PCDH15: variants seen among roughly 807,000 people sequenced by gnomAD.
PCDH15 encodes the protein protocadherin-15.
Under a neutral mutation model 178.5 loss-of-function variants are expected in PCDH15, and 129 were observed. That is an observed-to-expected ratio of 0.72 (90% CI 0.63 to 0.84). PCDH15 has a LOEUF of 0.84. PCDH15 is among the 40% of genes least tolerant of loss of function. PCDH15 has a pLI of 0.00. For missense variants in PCDH15, 2,230 were observed against 2,099.9 expected (o/e 1.06, Z -1.21); for synonymous variants, 800 against 732.0 (o/e 1.09, Z -1.50).
At chr10:54,185,052 C>A in intron 12 of PCDH15, 82 bp downstream of exon 12, 1 of 1,526,116 alleles carries the variant, frequency 6.6e-7, no homozygotes, top group Non-Finnish European at 9.0e-7. Context: ...TCAGTTTTAA[C>A]CAGACATCTC....
chr10:55,612,562 A>G (rs939550969), intron 2 of PCDH15, among the ~76,000 whole-genome samples: 6 of 152,150 alleles, frequency 3.9e-5, no homozygotes, highest in Admixed American at 3.9e-4. Flanking sequence ...TTATACTGAA[A>G]TTTTATGGCA....
intron 10 of PCDH15, among the ~76,000 whole-genome samples, chr10:54,200,213 T>G (rs929425094): frequency 1.3e-5 from 2 of 148,496 alleles, no homozygotes; most frequent in African/African-American, 5.0e-5. Flanking sequence ...AATTCTAGGA[T>G]AGAAGAAAGA....
chr10:54,503,264 T>TGTGTGTGTGA (rs35648214), intron 3 of PCDH15, among the ~76,000 whole-genome samples: 2,341 of 137,344 alleles, frequency 0.017, 101 homozygotes, highest in African/African-American at 0.041. Context: ...TGTGTGTGTG[T>TGTGTGTGTGA]GATTATATAT....
intron 17 of PCDH15, 113 bp downstream of exon 17, chr10:54,079,218 T>A: frequency 9.8e-7 from 1 of 1,020,528 alleles, no homozygotes; most frequent in Non-Finnish European, 1.6e-6. Context: ...CTAGTAATTA[T>A]AAGAAGTTGC....
chr10:54,142,232 A>G (rs1248617575), intron 14 of PCDH15, among the ~76,000 whole-genome samples: 1 of 152,092 alleles, frequency 6.6e-6, no homozygotes, highest in African/African-American at 2.4e-5. Flanking sequence ...ACATTTTAGA[A>G]TAATAGGCTT....
chr10:54,118,463 G>A (rs570375005), intron 15 of PCDH15, among the ~76,000 whole-genome samples: 101 of 152,040 alleles, frequency 6.6e-4, no homozygotes, highest in Admixed American at 9.2e-4. Flanking sequence ...GATGGAGACC[G>A]TCCTGGCTAA....
intron 21 of PCDH15, among the ~76,000 whole-genome samples, chr10:53,990,396 A>G (rs1273942269): frequency 6.6e-6 from 1 of 151,598 alleles, no homozygotes; most frequent in African/African-American, 2.4e-5. Flanking sequence ...AAAGTCCATA[A>G]CTATTAAAAA....
At chr10:53,809,321 C>T in intron 37 of PCDH15, 3 of 1,613,950 alleles carry the variant, frequency 1.9e-6, no homozygotes, top group Non-Finnish European at 2.5e-6. Context: ...TCTTTATCTT[C>T]TTCCTCAAGG....
intron 20 of PCDH15, among the ~76,000 whole-genome samples, chr10:54,018,325 A>G (rs2092808553): frequency 6.6e-6 from 1 of 152,136 alleles, no homozygotes; most frequent in Non-Finnish European, 1.5e-5. Flanking sequence ...AATCCTCAGG[A>G]ACTTTTATTT....
chr10:54,038,159 A>G (rs990433883), intron 18 of PCDH15, among the ~76,000 whole-genome samples: 6 of 151,938 alleles, frequency 3.9e-5, no homozygotes, highest in Admixed American at 3.9e-4. Flanking sequence ...CCAATGAACT[A>G]ATTCTTCTGA....
intron 1 of PCDH15, among the ~76,000 whole-genome samples, chr10:55,211,143 T>C (rs1840561328): frequency 6.6e-6 from 1 of 152,014 alleles, no homozygotes; most frequent in African/African-American, 2.4e-5. Flanking sequence ...ATGAAGGCAG[T>C]GGTAACAAGA....
intron 29 of PCDH15, among the ~76,000 whole-genome samples, chr10:53,832,519 C>T (rs2077072119): frequency 6.6e-6 from 1 of 151,802 alleles, no homozygotes; most frequent in Non-Finnish European, 1.5e-5. Context: ...TACTCATAGT[C>T]CCATGATCTA....
At chr10:54,699,634 A>G (rs926015139) in intron 1 of PCDH15, among the ~76,000 whole-genome samples, 20 of 152,092 alleles carry the variant, frequency 1.3e-4, no homozygotes, top group Admixed American at 6.6e-4. Flanking sequence ...GAAGACTGTT[A>G]GCCTTAAGGA....
chr10:54,056,754 A>C (rs1223210769), intron 18 of PCDH15, among the ~76,000 whole-genome samples: 1 of 152,152 alleles, frequency 6.6e-6, no homozygotes, highest in Non-Finnish European at 1.5e-5. Context: ...TCATTTCAGC[A>C]TTAACTCAAC....
At position 55,396,782 on chromosome 10, in the gene PCDH15, C is replaced by T. The variant is rs894749369; in HGVS notation, c.-155-230131G>A. ...GGTGGTAAGTCAAAATGGAGTATAG[C>T]AAAAACGTTCCTAAAGGCCACAAAA... On this transcript the variant is annotated intron_variant, in intron 2 of 5. Transcript: ENST00000613346. Among the ~76,000 whole-genome samples the T allele has an allele frequency of 5.9e-5, 9 of 152,228 alleles. No individual in the cohort carries two copies. In the East Asian group the frequency reaches 1.7e-3, roughly 29 times the overall value.
rs1565776474 is a variant in PCDH15 at position 54,622,619 on chromosome 10, A to ATATATAATATATAT, written c.91+41552_91+41553insATATATATTATATA. 2.7e-3 allele frequency among the ~76,000 whole-genome samples: 116 copies of ATATATAATATATAT among 42,432 alleles called. 1 individual carries two copies. The highest frequency in any genetic ancestry group is 0.011 in the African/African-American group (112 of 10,422). 27.8% of individuals were successfully genotyped at this position (42,432 alleles called of 152,430 possible). ...TATATAATATATATAATTATATATA[A>ATATATAATATATAT]TATATATAATATATATTATATAATT... On this transcript the variant is annotated intron_variant, in intron 2 of 37. Transcript: ENST00000644397.
intron 15 of PCDH15, among the ~76,000 whole-genome samples, chr10:54,116,306 A>G (rs575694139): frequency 2.6e-5 from 4 of 152,138 alleles, no homozygotes; most frequent in African/African-American, 9.6e-5. Context: ...TGGAGTCAAC[A>G]GATAATCCTG....
At position 55,315,279 on chromosome 10, in the gene PCDH15, C is replaced by T. The variant is rs557559198; in HGVS notation, c.-156+4320G>A. Among the ~76,000 whole-genome samples the T allele has an allele frequency of 2.2e-4, 34 of 152,092 alleles. No individual in the cohort carries two copies. In the East Asian group the frequency reaches 6.6e-3, roughly 29 times the overall value. On this transcript the variant is annotated intron_variant, in intron 1 of 5. Coordinates refer to the PCDH15 transcript ENST00000458638. ...TTATAAAAACTATTCTTTTTTAAGT[C>T]TTGCAAAGTTTTTGTAAAATAATTA...
intron 1 of PCDH15, among the ~76,000 whole-genome samples, chr10:54,756,056 AACACACACACACACACAC>A (rs71014414): frequency 2.8e-5 from 2 of 71,738 alleles, no homozygotes; most frequent in South Asian, 4.8e-4. Flanking sequence ...CTCTACTAAA[AACACACACACACACACAC>A]ACACACACAC....
Sources: allele counts gnomAD v4.1 joint callset (sites outside exome capture counted in the v4.1 genomes callset), GRCh38; gene constraint gnomAD v4.1.1; transcripts MANE v1.5; gene names NCBI Gene and HGNC (gene_info 2026-07-23, HGNC 2026-07-21).